The following ATG3 variants were observed in gnomAD, a reference collection of about 807,000 sequenced individuals.
ATG3 encodes the protein ubiquitin-like-conjugating enzyme ATG3.
In ATG3, 25 loss-of-function variants were observed where a neutral mutation model predicts 50.7. The ratio of observed to expected loss-of-function variants is 0.49; its 90% CI spans 0.36 to 0.69. The LOEUF (loss-of-function observed/expected upper bound fraction) is 0.69, where lower values mean the gene tolerates loss of function less well. Among genes scored for constraint, ATG3 ranks in the 30% least tolerant of loss-of-function variants. The probability of loss-of-function intolerance (pLI) is 0.00; values close to 1 mark genes in which losing one functional copy is unlikely to be tolerated. For synonymous variants in ATG3, 119 were observed against 125.5 expected, an observed-to-expected ratio of 0.95 and a Z score of 0.34; for missense variants, 281 against 376.0, an observed-to-expected ratio of 0.75 and a Z score of 2.09.
chr3:112,561,960 A>G lies in ATG3; in HGVS notation c.-432T>C, dbSNP rs1337210752. On this transcript the variant is annotated 5_prime_UTR_variant, in exon 1 of 12. Coordinates refer to ENST00000283290, the MANE Select transcript of ATG3 (RefSeq NM_022488.5). ...CGCCGCCACCGGGGCCTCACGTGAC[A>G]CTAGACTCTCCCGGCACGTGACGTG... The G allele has an allele frequency of 4.9e-6, 1 of 203,674 alleles. No individual in the cohort carries two copies. Among genetic ancestry groups the G allele is most frequent in the South Asian group, 6.7e-5 (1 of 14,844 alleles). The allele number at this position is 203,674 out of a possible 1,614,324, so 12.6% of individuals were successfully genotyped here.
intron 2 of ATG3, chr3:112,558,124 A>C: frequency 2.1e-6 from 1 of 471,014 alleles, no homozygotes; most frequent in Non-Finnish European, 3.8e-6. Flanking sequence ...CATAGGACTC[A>C]TTTTGATCCC....
chr3:112,536,523 T>C lies in ATG3; in HGVS notation c.746A>G (p.Asn249Ser), dbSNP rs191567467. The C allele has an allele frequency of 6.2e-7, 1 of 1,613,974 alleles. No individual in the cohort carries two copies. Among genetic ancestry groups the C allele is most frequent in the East Asian group, 2.2e-5 (1 of 44,880 alleles). Residue 249 changes from asparagine (N) to serine (S), a missense_variant, in exon 10 of 12, where the codon AAT (asparagine) becomes AGT (serine). Asn to Ser is a conservative substitution (Grantham distance 46). Coordinates refer to ENST00000283290, the MANE Select transcript of ATG3 (RefSeq NM_022488.5). ...DHVKKTVTIE[N>S]HPHLPPPPMC... ...GGGAGGTGGTGGCAGATGAGGGTGA[T>C]TTTCAATGGTCACTGTTTTCTTCAC...
chr3:112,547,138 G>A (rs1933391056), intron 5 of ATG3, among the ~76,000 whole-genome samples: 1 of 152,190 alleles, frequency 6.6e-6, no homozygotes, highest in Non-Finnish European at 1.5e-5. Context: ...AGAACATTCA[G>A]CAATTTCTGG....
In ATG3 at chr3:112,561,474, G is replaced by A. The variant is rs780693993; in HGVS notation, c.55C>T (p.Leu19=). 1 of 1,613,544 alleles carries A rather than the reference G, an allele frequency of 6.2e-7. No individual in the cohort carries two copies. The highest frequency in any genetic ancestry group is 8.5e-7 in the Non-Finnish European group (1 of 1,180,000). The change falls in exon 1 of 12, where the codon CTG becomes TTG. Residue 19 remains leucine (L), a synonymous_variant. Coordinates refer to ENST00000283290, the MANE Select transcript of ATG3 (RefSeq NM_022488.5). ...KGKALEVAEY[L]TPVLKESKFK... ...TGGCTTACCTTGAGGACCGGGGTCA[G>A]GTACTCAGCCACTTCCAGTGCCTTT...
At chr3:112,534,179 C>G (rs768904513) in intron 11 of ATG3, 90 bp downstream of exon 11, 6 of 1,540,438 alleles carry the variant, frequency 3.9e-6, no homozygotes, top group Non-Finnish European at 5.2e-6. Flanking sequence ...CAAGTTATAG[C>G]TACTGTATCA....
intron 11 of ATG3, chr3:112,534,002 T>C: frequency 8.4e-7 from 1 of 1,190,518 alleles, no homozygotes. Flanking sequence ...AAGAAAAAGA[T>C]ACTCATATTA....
Position 112,532,595 on chromosome 3 carries a change from T to G in ATG3, c.*104A>C. 2 of 771,446 alleles carry G rather than the reference T, an allele frequency of 2.6e-6. No individual in the cohort carries two copies. Among genetic ancestry groups the G allele is most frequent in the Admixed American group, 3.5e-5 (1 of 28,508 alleles). The allele number at this position is 771,446 out of a possible 1,614,324, so 47.8% of individuals were successfully genotyped here. ...ATGCATAAACATATAAGTCCCTTAT[T>G]AGAGAAACTGTATATATTGATGAAT... is the stretch of plus-strand genomic sequence containing the variant. On this transcript the variant is annotated 3_prime_UTR_variant, in exon 12 of 12. Transcript: ENST00000283290.
In ATG3 at chr3:112,538,095, T is replaced by A. The variant is rs185552569; in HGVS notation, c.510+51A>T. 138 of 1,382,784 alleles carry A rather than the reference T, an allele frequency of 1.0e-4. No individual in the cohort carries two copies. In the East Asian group the frequency reaches 2.9e-3, roughly 30 times the overall value. 85.7% of individuals were successfully genotyped at this position (1,382,784 alleles called of 1,614,324 possible). On this transcript the variant is annotated intron_variant, in intron 8 of 11. Coordinates refer to ENST00000283290, the MANE Select transcript of ATG3 (RefSeq NM_022488.5). ...AATATATTATTAGTAAGAACATGCA[T>A]CCCCAAGTTCATCCATTAAAAATTA...
chr3:112,559,835 T>C (rs1050504392), intron 1 of ATG3, among the ~76,000 whole-genome samples: 5 of 152,238 alleles, frequency 3.3e-5, no homozygotes, highest in Non-Finnish European at 7.3e-5. Context: ...CTTCAGTGTT[T>C]ACTGCATGTA....
At position 112,534,325 on chromosome 3, in the gene ATG3, C is replaced by T. The variant is rs1932956394; in HGVS notation, c.807G>A (p.Val269=). The T allele has an allele frequency of 1.9e-6, 3 of 1,565,676 alleles. No individual in the cohort carries two copies. Among genetic ancestry groups the T allele is most frequent in the Non-Finnish European group, 2.6e-6 (3 of 1,161,000 alleles). ...CSVHPCRHAE[V]MKKIIETVAE... The stretch of plus-strand genomic sequence containing the variant: ...CAACAGTCTCAATGATTTTCTTCAT[C>T]ACCTCAGCATGCCTAGAAGCCAAAA... The change falls in exon 11 of 12, where the codon GTG becomes GTA. Residue 269 remains valine, a synonymous_variant. Transcript: ENST00000283290.
rs2082563570 is a variant in ATG3, at chr3:112,532,543, G to A, written c.*156C>T. On this transcript the variant is annotated 3_prime_UTR_variant, in exon 12 of 12. Transcript: ENST00000283290. Reference sequence around the variant, plus strand: ...CACTGATTTTTATTAAACAAGTAAGGCTGGTAGTGGAACATATTTTTATTT... The same window carrying A: ...CACTGATTTTTATTAAACAAGTAAGACTGGTAGTGGAACATATTTTTATTT... The A allele has an allele frequency of 4.5e-6, 2 of 447,460 alleles. No homozygotes were observed. The highest frequency in any genetic ancestry group is 7.4e-6 in the Non-Finnish European group (2 of 270,242). 27.7% of individuals were successfully genotyped at this position (447,460 alleles called of 1,614,324 possible).
intron 10 of ATG3, chr3:112,536,201 G>A (rs1933039476): frequency 5.8e-6 from 2 of 344,268 alleles, no homozygotes; most frequent in South Asian, 6.6e-5. Context: ...GCTAAAAAGT[G>A]TAGTAAAATC....
At chr3:112,556,209 G>GA (rs1162484071) in intron 2 of ATG3, among the ~76,000 whole-genome samples, 1 of 152,228 alleles carries the variant, frequency 6.6e-6, no homozygotes, top group Non-Finnish European at 1.5e-5. Context: ...TATAGATGAG[G>GA]AAACATGAAG....
chr3:112,539,649 T>A (rs566818078), intron 7 of ATG3, among the ~76,000 whole-genome samples: 2 of 152,332 alleles, frequency 1.3e-5, no homozygotes, highest in East Asian at 3.9e-4. Context: ...GAATATAAAC[T>A]CCATGAAATC....
At chr3:112,542,450 C>T (rs753884368) in intron 6 of ATG3, among the ~76,000 whole-genome samples, 72 of 152,098 alleles carry the variant, frequency 4.7e-4, no homozygotes, top group Non-Finnish European at 9.6e-4. Context: ...ATCTGGGTAT[C>T]GTTTTCACAA....
chr3:112,553,237 A>G (rs990222112), intron 3 of ATG3, 43 bp downstream of exon 3: 1 of 1,525,090 alleles, frequency 6.6e-7, no homozygotes, highest in African/African-American at 1.4e-5. Context: ...TTCTGAAGCC[A>G]TGCATTTTAC....
rs62262456 is a variant in ATG3, at chr3:112,550,085, G to A, written c.235+107C>T. 4.0e-4 allele frequency: 280 copies of A among 692,294 alleles called. 3 individuals are homozygous for A. In the East Asian group the frequency reaches 4.6e-3, roughly 11 times the overall value. 42.9% of individuals were successfully genotyped at this position (692,294 alleles called of 1,614,324 possible). On this transcript the variant is annotated intron_variant, in intron 4 of 11. Transcript: ENST00000283290. ...TTTTGGCAAAAAGAAATAACAGAAA[G>A]AGGTGATAAAACTAAGGAAAAAATT...
intron 6 of ATG3, 143 bp from the exon 7 acceptor site, chr3:112,542,027 G>A (rs1248629484): frequency 3.6e-6 from 2 of 555,624 alleles, no homozygotes; most frequent in African/African-American, 3.8e-5. Flanking sequence ...AAACTCCAAT[G>A]AAGATAATGA....
chr3:112,538,287 CTT>C, intron 7 of ATG3, 107 bp from the exon 8 acceptor site: 1 of 871,188 alleles, frequency 1.1e-6, no homozygotes, highest in Admixed American at 3.1e-5. Flanking sequence ...GGGGTTTTGC[CTT>C]TGTTTTTAAG....
Sources: gnomAD v4.1 joint callset for allele counts (sites outside exome capture counted in the v4.1 genomes callset) on GRCh38, gnomAD v4.1.1 for gene constraint, MANE v1.5 for transcripts, NCBI Gene and HGNC (gene_info 2026-07-23, HGNC 2026-07-21) for gene names.